COBL: variants seen among roughly 807,000 people sequenced by gnomAD.
COBL encodes protein cordon-bleu.
A neutral mutation model predicts 98.8 loss-of-function variants in COBL; 51 were observed. The observed-to-expected ratio is 0.52, with a 90% CI of 0.41 to 0.65. The LOEUF is 0.65. Ranked by LOEUF, COBL falls within the 30% of genes least tolerant of loss-of-function variation. The pLI is 0.00. For missense variants in COBL, 1,617 were observed against 1,617.5 expected (o/e 1.00, Z 0.01); for synonymous variants, 634 against 651.7 (o/e 0.97, Z 0.41).
At chr7:51,209,060 A>AC (rs200112809) in intron 2 of COBL, among the ~76,000 whole-genome samples, 10,880 of 132,380 alleles carry the variant, frequency 0.082, 746 homozygotes, top group East Asian at 0.29. Context: ...AAAAAAAAAA[A>AC]AAAAAAAAAA....
chr7:51,299,668 T>G (rs954232601), intron 1 of COBL, among the ~76,000 whole-genome samples: 1 of 152,142 alleles, frequency 6.6e-6, no homozygotes, highest in Non-Finnish European at 1.5e-5. Flanking sequence ...GCTGCCAGGC[T>G]TCATGGCTAT....
At chr7:51,256,364 C>G (rs1178953281) in intron 1 of COBL, among the ~76,000 whole-genome samples, 1 of 152,228 alleles carries the variant, frequency 6.6e-6, no homozygotes, top group Non-Finnish European at 1.5e-5. Context: ...CTCTCAGGCT[C>G]TTTGGAAAGC....
chr7:51,302,909 C>T (rs922089194), intron 1 of COBL, among the ~76,000 whole-genome samples: 5 of 152,154 alleles, frequency 3.3e-5, no homozygotes, highest in African/African-American at 1.2e-4. Flanking sequence ...CCCTCACCCC[C>T]AACCAAACGG....
intron 6 of COBL, among the ~76,000 whole-genome samples, chr7:51,113,875 C>T (rs755971948): frequency 2.2e-4 from 34 of 152,186 alleles, no homozygotes; most frequent in African/African-American, 7.7e-4. Flanking sequence ...ATAATCAAGG[C>T]CTGTGATTGC....
At chr7:51,042,677 T>C (rs894189052) in intron 8 of COBL, among the ~76,000 whole-genome samples, 1 of 152,216 alleles carries the variant, frequency 6.6e-6, no homozygotes, top group African/African-American at 2.4e-5. Context: ...TGGCATGTTT[T>C]TTAAAAGAGC....
At chr7:51,128,550 T>C (rs1017021264) in intron 6 of COBL, among the ~76,000 whole-genome samples, 15 of 152,136 alleles carry the variant, frequency 9.9e-5, no homozygotes, top group African/African-American at 3.1e-4. Flanking sequence ...GAGCAGGTGC[T>C]GAAGAATCCT....
chr7:51,205,286 A>G (rs536751083), intron 2 of COBL, among the ~76,000 whole-genome samples: 2 of 152,248 alleles, frequency 1.3e-5, no homozygotes, highest in Non-Finnish European at 2.9e-5. Context: ...TATAGTGTAC[A>G]AAACAGCATG....
chr7:51,313,552 C>A (rs1182202915), intron 1 of COBL, among the ~76,000 whole-genome samples: 4 of 152,122 alleles, frequency 2.6e-5, no homozygotes, highest in Non-Finnish European at 5.9e-5. Context: ...TGCTTGAATA[C>A]AGCCATTGAT....
Position 51,121,171 on chromosome 7 carries a change from G to A in COBL, c.957+14987C>T, listed in dbSNP as rs144704921. Among the ~76,000 whole-genome samples the A allele has an allele frequency of 7.7e-3, 1,167 of 152,156 alleles. 18 individuals carry two copies. The highest frequency in any genetic ancestry group is 0.027 in the African/African-American group (1,101 of 41,520). On this transcript the variant is annotated intron_variant, in intron 6 of 12. Coordinates refer to ENST00000265136, the MANE Select transcript of COBL (RefSeq NM_015198.5). ...AGGGTTCCAATTTCTCTACATCCCC[G>A]CCAACGCATCTTTTCTTTTGTGTTT...
intron 1 of COBL, among the ~76,000 whole-genome samples, chr7:51,299,550 C>G (rs998282329): frequency 2.6e-5 from 4 of 152,178 alleles, no homozygotes; most frequent in African/African-American, 9.6e-5. Flanking sequence ...CCAGTTGGCG[C>G]TCTCTAAGGA....
chr7:51,311,399 A>G (rs754670578), intron 1 of COBL, among the ~76,000 whole-genome samples: 4 of 152,164 alleles, frequency 2.6e-5, no homozygotes, highest in South Asian at 2.1e-4. Flanking sequence ...AAATACACAC[A>G]CTGTTGGAAA....
At position 51,029,047 on chromosome 7, in the gene COBL, C is replaced by A; in HGVS notation, c.2049G>T (p.Leu683Phe). The A allele has an allele frequency of 2.5e-6, 4 of 1,614,146 alleles. No homozygotes were observed. Among genetic ancestry groups the A allele is most frequent in the Non-Finnish European group, 3.4e-6 (4 of 1,180,034 alleles). Residue 683 changes from leucine to phenylalanine, a missense_variant, in exon 10 of 13, where the codon TTG becomes TTT. By Grantham distance (22) the Leu-to-Phe change is conservative. This residue lies in a region of COBL where 1,304 missense variants were observed against 1,282.0 expected (regional missense o/e 1.02). Transcript: ENST00000265136. ...CTCGTTGGTGCCATGATGTTGGTGC[C>A]AAGGCAGCGTTTTTATCGTTGCTGT... Reference protein sequence around the residue: ...EKDSNDKNAALAPTSWHQRGQ... With the variant: ...EKDSNDKNAAFAPTSWHQRGQ...
rs896126757 is a variant in COBL at position 51,026,789 on chromosome 7, T to C, written c.3385-124A>G. The C allele has an allele frequency of 8.3e-6, 10 of 1,206,932 alleles. No homozygotes were observed. In the African/African-American group the frequency reaches 1.2e-4, roughly 15 times the overall value. 74.8% of individuals were successfully genotyped at this position (1,206,932 alleles called of 1,614,324 possible). A position where few individuals can be genotyped will look rare whatever the true frequency, so the allele number is the denominator to read the frequency against. On this transcript the variant is annotated intron_variant, in intron 10 of 12. Coordinates refer to ENST00000265136, the MANE Select transcript of COBL (RefSeq NM_015198.5). ...GGCTCATGCCTGTAATCCCATCTAC[T>C]CGGGAGGCTGTGGCACCAGAATTGT...
At chr7:51,122,190 A>G (rs1797800184) in intron 6 of COBL, among the ~76,000 whole-genome samples, 1 of 152,248 alleles carries the variant, frequency 6.6e-6, no homozygotes, top group Admixed American at 6.5e-5. Context: ...CACAAGTGTC[A>G]GAGAGGAAAC....
rs1799233392 is a variant in COBL, at chr7:51,136,297, T to C, written c.818A>G (p.His273Arg). 1.2e-6 allele frequency: 2 copies of C among 1,613,570 alleles called. No homozygotes were observed. Among genetic ancestry groups the C allele is most frequent in the Non-Finnish European group, 8.5e-7 (1 of 1,179,928 alleles). The part of the protein sequence containing the change: ...CLTTPNSPSM[H>R]SRSLTLGPSL... Reference sequence around the variant, plus strand: ...TGGACCCAGCGTAAGAGAACGTGAGTGCATGGATGGGGAGTTGGGGGTCGT... The same window carrying C: ...TGGACCCAGCGTAAGAGAACGTGAGCGCATGGATGGGGAGTTGGGGGTCGT... Residue 273 changes from histidine (H) to arginine (R), a missense_variant, in exon 6 of 13, where the codon CAC becomes CGC. By Grantham distance (29) the His-to-Arg change is conservative. Transcript: ENST00000265136.
intron 5 of COBL, 96 bp downstream of exon 5, chr7:51,184,006 T>C: frequency 1.7e-6 from 1 of 572,052 alleles, no homozygotes. Context: ...TTAAATAGAA[T>C]TGTTTAGAAA....
chr7:51,047,882 G>C (rs1308625966), intron 7 of COBL, among the ~76,000 whole-genome samples: 1 of 73,676 alleles, frequency 1.4e-5, no homozygotes, highest in Non-Finnish European at 2.4e-5. Context: ...ATAATTTTGT[G>C]GGGGCCAGGT....
chr7:51,050,331 A>AAAATTCC (rs539172988), intron 7 of COBL, among the ~76,000 whole-genome samples: 83 of 152,324 alleles, frequency 5.4e-4, no homozygotes, highest in South Asian at 1.0e-3. Flanking sequence ...CTGGGCAGAG[A>AAAATTCC]AAATTCCAAG....
At chr7:51,087,367 C>A (rs1034352986) in intron 6 of COBL, among the ~76,000 whole-genome samples, 1 of 152,092 alleles carries the variant, frequency 6.6e-6, no homozygotes, top group Non-Finnish European at 1.5e-5. Flanking sequence ...TTTGTTTTCC[C>A]TGAACCTGAT....
Sources: gnomAD v4.1 joint callset for allele counts (sites outside exome capture counted in the v4.1 genomes callset) on GRCh38, gnomAD v4.1.1 for gene constraint, gnomAD v4.1.1 regional missense constraint, MANE v1.5 for transcripts, NCBI Gene and HGNC (gene_info 2026-07-23, HGNC 2026-07-21) for gene names.